Variants in RND1 observed in about 807,000 individuals in gnomAD.
RND1 encodes Rho family GTPase 1.
In RND1, 9 loss-of-function variants were observed where a neutral mutation model predicts 27.1. The ratio of observed to expected loss-of-function variants is 0.33; its 90% CI spans 0.20 to 0.58. The LOEUF is 0.58. Among genes scored for constraint, RND1 ranks in the 20% least tolerant of loss-of-function variants. The pLI is 0.86. For synonymous variants in RND1, 108 were observed against 115.7 expected (o/e 0.93, Z 0.43); for missense variants, 253 against 292.2 (o/e 0.87, Z 0.98).
intron 4 of RND1, chr12:48,859,063 A>G (rs1409089600): frequency 6.8e-6 from 1 of 147,050 alleles, no homozygotes; most frequent in East Asian, 2.0e-4. Context: ...GGTTCACACC[A>G]TTCTCCTGCC....
chr12:48,861,464 A>G (rs777524787), intron 3 of RND1, among the ~76,000 whole-genome samples: 3 of 152,162 alleles, frequency 2.0e-5, no homozygotes, highest in Non-Finnish European at 4.4e-5. Flanking sequence ...GGGCCTCACA[A>G]GTCCAGAATG....
At chr12:48,861,942 G>T in intron 3 of RND1, 67 bp downstream of exon 3, 1 of 931,758 alleles carries the variant, frequency 1.1e-6, no homozygotes, top group South Asian at 1.3e-5. Context: ...GGGCATTCAT[G>T]ACAAGGTCCC....
At chr12:48,858,384 CTTTTCTTTTT>C in intron 4 of RND1, 143 bp from the exon 5 acceptor site, 1 of 646,516 alleles carries the variant, frequency 1.5e-6, no homozygotes. Context: ...ATTCGATTAT[CTTTTCTTTTT>C]TTTTTTTTTT....
chr12:48,861,801 T>C (rs1938922217), intron 3 of RND1, among the ~76,000 whole-genome samples: 1 of 152,170 alleles, frequency 6.6e-6, no homozygotes, highest in Non-Finnish European at 1.5e-5. Flanking sequence ...CAAGGCAGCA[T>C]GGGATAACAA....
chr12:48,862,081 G>C lies in RND1; in HGVS notation c.246C>G (p.Tyr82Ter). The C allele has an allele frequency of 6.2e-7, 1 of 1,613,424 alleles. No homozygotes were observed. Among genetic ancestry groups the C allele is most frequent in the Non-Finnish European group, 8.5e-7 (1 of 1,179,368 alleles). ...PYYDNVRPLCYSDSDAVLLCF... is the reference protein window; with the variant it reads ...PYYDNVRPLC ...ATAGTAATACTGCATCCGAGTCGCT[G>C]TAGCAGAGTGGACGGACATTATCGT... The change falls in exon 3 of 5, where the codon TAC (tyrosine) becomes TAG (stop). Residue 82 changes from tyrosine to a stop codon, truncating the protein, a stop_gained. Coordinates refer to ENST00000309739, the MANE Select transcript of RND1 (RefSeq NM_014470.4). LOFTEE classifies it high-confidence loss of function.
Position 48,857,743 on chromosome 12 carries a change from G to C in RND1, c.*253C>G, listed in dbSNP as rs752856135. 41 of 358,022 alleles carry C rather than the reference G, an allele frequency of 1.1e-4. 1 individual carries two copies. Among genetic ancestry groups the C allele is most frequent in the South Asian group, 1.7e-4 (3 of 18,004 alleles). The allele number at this position is 358,022 out of a possible 1,614,324, so 22.2% of individuals were successfully genotyped here. ...CACAGCTTTCCTTCCTCTGGAGCGG[G>C]GGGGGCACTGGGGTAGTCGCCCCCT... On this transcript the variant is annotated 3_prime_UTR_variant, in exon 5 of 5. Coordinates refer to ENST00000309739, the MANE Select transcript of RND1 (RefSeq NM_014470.4).
chr12:48,864,778 C>A lies in RND1; in HGVS notation c.208+5G>T, dbSNP rs745876472. ...GGAAAGGGGTATTTGGAGCAGAATT[C>A]TTACCTGAGGTATCCCAGAGACTAA... On this transcript the variant is annotated splice_donor_5th_base_variant and intron_variant, in intron 2 of 4. Coordinates refer to ENST00000309739, the MANE Select transcript of RND1 (RefSeq NM_014470.4). 1.2e-6 allele frequency: 2 copies of A among 1,607,724 alleles called. No individual in the cohort carries two copies. The highest frequency in any genetic ancestry group is 2.2e-5 in the East Asian group (1 of 44,866).
chr12:48,860,032 T>G (rs915683617), intron 4 of RND1, among the ~76,000 whole-genome samples: 11 of 150,706 alleles, frequency 7.3e-5, no homozygotes, highest in African/African-American at 2.7e-4. Context: ...CCTGCCTCCG[T>G]CTCCCAAAGT....
At position 48,860,937 on chromosome 12, in the gene RND1, G is replaced by A. The variant is rs1938911454; in HGVS notation, c.453+60C>T. 1.9e-6 allele frequency: 3 copies of A among 1,607,942 alleles called. No individual in the cohort carries two copies. In the Admixed American group the frequency reaches 5.0e-5, roughly 27 times the overall value. On this transcript the variant is annotated intron_variant, in intron 4 of 4. Transcript: ENST00000309739. ...AATTTGAGCCAGGGCCATATTTCAAGCTGTCTGCCTCTAGCCTTCCTCACT... is the reference window on the plus strand; with the variant it reads ...AATTTGAGCCAGGGCCATATTTCAAACTGTCTGCCTCTAGCCTTCCTCACT...
chr12:48,860,060 G>C (rs1938899783), intron 4 of RND1, among the ~76,000 whole-genome samples: 1 of 148,784 alleles, frequency 6.7e-6, no homozygotes, highest in South Asian at 2.1e-4. Context: ...TTACAGGCAT[G>C]AGCCACCACA....
intron 1 of RND1, chr12:48,865,228 G>A (rs1056578121): frequency 1.3e-5 from 5 of 377,072 alleles, no homozygotes; most frequent in African/African-American, 8.2e-5. Flanking sequence ...AACCCCTCCC[G>A]GCCAGGTGAA....
intron 2 of RND1, among the ~76,000 whole-genome samples, chr12:48,864,345 C>T (rs1158438504): frequency 6.6e-6 from 1 of 151,604 alleles, no homozygotes; most frequent in Non-Finnish European, 1.5e-5. Context: ...GCAGCACTGC[C>T]TCTTGCCTCT....
Position 48,862,129 on chromosome 12 carries a change from C to T in RND1, c.209-11G>A, listed in dbSNP as rs370343152. 3 of 1,517,818 alleles carry T rather than the reference C, an allele frequency of 2.0e-6. No homozygotes were observed. Among genetic ancestry groups the T allele is most frequent in the African/African-American group, 2.7e-5 (2 of 72,802 alleles). The allele number at this position is 1,517,818 out of a possible 1,614,324, so 94.0% of individuals were successfully genotyped here. A position where few individuals can be genotyped will look rare whatever the true frequency, so the allele number is the denominator to read the frequency against. On this transcript the variant is annotated splice_polypyrimidine_tract_variant and intron_variant, in intron 2 of 4. Transcript: ENST00000309739. ...CGTAGTAGGGAGATCCTGGTGTAGG[C>T]CAGAAAGAGCTGATGGTGAGCCATG...
In RND1 at chr12:48,857,744, G is replaced by GA. The variant is rs1938862829; in HGVS notation, c.*251_*252insT. The GA allele has an allele frequency of 5.6e-6, 2 of 359,896 alleles. No individual in the cohort carries two copies. Among genetic ancestry groups the GA allele is most frequent in the East Asian group, 1.0e-4 (2 of 19,534 alleles). The allele number at this position is 359,896 out of a possible 1,614,324, so 22.3% of individuals were successfully genotyped here. A position where few individuals can be genotyped will look rare whatever the true frequency, so the allele number is the denominator to read the frequency against. On this transcript the variant is annotated 3_prime_UTR_variant, in exon 5 of 5. Coordinates refer to ENST00000309739, the MANE Select transcript of RND1 (RefSeq NM_014470.4). The stretch of plus-strand genomic sequence containing the variant: ...ACAGCTTTCCTTCCTCTGGAGCGGG[G>GA]GGGGCACTGGGGTAGTCGCCCCCTC...
intron 4 of RND1, among the ~76,000 whole-genome samples, chr12:48,860,217 G>A (rs1938902967): frequency 6.6e-6 from 1 of 151,978 alleles, no homozygotes; most frequent in Non-Finnish European, 1.5e-5. Flanking sequence ...CTGAGTAGCT[G>A]GGATTACGGG....
rs768071716 is a variant in RND1 at position 48,861,099 on chromosome 12, G to T, written c.351C>A (p.Ser117Arg). The T allele has an allele frequency of 6.2e-7, 1 of 1,613,624 alleles. No individual in the cohort carries two copies. The highest frequency in any genetic ancestry group is 8.5e-7 in the Non-Finnish European group (1 of 1,179,660). ...TGCAGCCAATGAGCAAAACGCGGGT[G>T]CTGGGACAATAATCTAGGATTTCTG... ...WRTEILDYCPSTRVLLIGCKT... is the reference protein window; with the variant it reads ...WRTEILDYCPRTRVLLIGCKT... Residue 117 changes from serine (S) to arginine (R), a missense_variant, in exon 4 of 5, where the codon AGC becomes AGA. Ser to Arg is a moderately radical substitution (Grantham distance 110). Transcript: ENST00000309739.
In RND1 at chr12:48,858,365, C is replaced by G. The variant is rs1938871336; in HGVS notation, c.454-124G>C. 4 of 958,306 alleles carry G rather than the reference C, an allele frequency of 4.2e-6. No homozygotes were observed. The Admixed American group carries it at 1.2e-4, about 28-fold the overall frequency. 59.4% of individuals were successfully genotyped at this position (958,306 alleles called of 1,614,324 possible). ...GCTGCCAGTCTCCAAACACCACCCT[C>G]TGCAGATTATTCGATTATCTTTTCT... is the stretch of plus-strand genomic sequence containing the variant. On this transcript the variant is annotated intron_variant, in intron 4 of 4. Coordinates refer to ENST00000309739, the MANE Select transcript of RND1 (RefSeq NM_014470.4).
chr12:48,858,406 T>TG, intron 4 of RND1, 165 bp from the exon 5 acceptor site: 29 of 699,552 alleles, frequency 4.1e-5, no homozygotes, highest in Non-Finnish European at 5.4e-5. Context: ...TTTTTTTTTT[T>TG]TGGCATACAC....
intron 3 of RND1, 52 bp from the exon 4 acceptor site, chr12:48,861,183 T>G: frequency 1.9e-6 from 3 of 1,545,576 alleles, no homozygotes; most frequent in Non-Finnish European, 2.6e-6. Context: ...GAAGGAGAGT[T>G]AGTGGCAGAC....
Sources: allele counts gnomAD v4.1 joint callset (sites outside exome capture counted in the v4.1 genomes callset), GRCh38; gene constraint gnomAD v4.1.1; transcripts MANE v1.5; gene names NCBI Gene and HGNC (gene_info 2026-07-23, HGNC 2026-07-21).